The following SLC35D4 variants were observed in gnomAD, a reference collection of about 807,000 sequenced individuals.
SLC35D4 encodes the protein solute carrier family 35 member D4.
chr18:23,380,214 G>A, the SLC35D4 span, among the ~76,000 whole-genome samples: 42 of 152,284 alleles, frequency 2.8e-4, no homozygotes, highest in East Asian at 5.8e-4. Flanking sequence ...TGTTCTAAGG[G>A]CTCTGCATGT....
the SLC35D4 span, chr18:23,309,705 T>C: frequency 6.2e-7 from 1 of 1,614,208 alleles, no homozygotes; most frequent in Admixed American, 1.7e-5. Flanking sequence ...CTGGTCAGGA[T>C]CGCATCAAAC....
At chr18:23,253,457 T>C in the SLC35D4 span, among the ~76,000 whole-genome samples, 1 of 152,182 alleles carries the variant, frequency 6.6e-6, no homozygotes, top group Admixed American at 6.5e-5. Flanking sequence ...CACTCCAGCC[T>C]GGAAAACAGA....
the SLC35D4 span, chr18:23,297,535 TA>T: frequency 7.5e-6 from 1 of 134,212 alleles, no homozygotes; most frequent in Non-Finnish European, 1.6e-5. Flanking sequence ...TAATAATAAA[TA>T]AAAATTTAAA....
chr18:23,352,578 A>C, the SLC35D4 span, among the ~76,000 whole-genome samples: 4 of 152,300 alleles, frequency 2.6e-5, no homozygotes, highest in Non-Finnish European at 5.9e-5. Flanking sequence ...GGAGGACAAC[A>C]CCTCTTGTTC....
chr18:23,287,174 T>C, the SLC35D4 span, among the ~76,000 whole-genome samples: 290 of 152,076 alleles, frequency 1.9e-3, 11 homozygotes, highest in South Asian at 0.051. Flanking sequence ...CAGACAAGCC[T>C]TACTAGTTCA....
chr18:23,356,642 T>A, the SLC35D4 span: 4 of 1,614,100 alleles, frequency 2.5e-6, no homozygotes, highest in Non-Finnish European at 3.4e-6. The surrounding 1 kb of genome is among the most constrained non-coding windows in gnomAD (Gnocchi z 4.1). Context: ...GAATGGGAAG[T>A]CCAGGACGCT....
the SLC35D4 span, among the ~76,000 whole-genome samples, chr18:23,284,953 C>A: frequency 3.3e-5 from 5 of 152,218 alleles, no homozygotes; most frequent in Non-Finnish European, 7.3e-5. Context: ...CAGCCAAGGA[C>A]CTTCAGGAAG....
At chr18:23,325,898 C>A in the SLC35D4 span, among the ~76,000 whole-genome samples, 1 of 152,172 alleles carries the variant, frequency 6.6e-6, no homozygotes, top group East Asian at 1.9e-4. Flanking sequence ...GAAAACAATG[C>A]CCATCAGTGG....
the SLC35D4 span, among the ~76,000 whole-genome samples, chr18:23,244,383 T>A: frequency 1.3e-5 from 2 of 152,236 alleles, no homozygotes; most frequent in African/African-American, 4.8e-5. Context: ...GAGGGAGAGT[T>A]GATCCAGGAT....
At chr18:23,353,468 T>C in the SLC35D4 span, among the ~76,000 whole-genome samples, 2 of 152,150 alleles carry the variant, frequency 1.3e-5, no homozygotes, top group Non-Finnish European at 2.9e-5. Flanking sequence ...TCAGGTTGAA[T>C]TGGAAGCAGA....
At chr18:23,423,076 G>GC in the SLC35D4 span, among the ~76,000 whole-genome samples, 1 of 152,032 alleles carries the variant, frequency 6.6e-6, no homozygotes, top group East Asian at 1.9e-4. Flanking sequence ...ACTTGCACCC[G>GC]CCCCTCTCCA....
At chr18:23,319,061 C>T in the SLC35D4 span, among the ~76,000 whole-genome samples, 1 of 151,594 alleles carries the variant, frequency 6.6e-6, no homozygotes, top group South Asian at 2.1e-4. Context: ...CCAGGCTGGT[C>T]TCGACCTCCT....
chr18:23,298,750 G>A, the SLC35D4 span, among the ~76,000 whole-genome samples: 1 of 152,182 alleles, frequency 6.6e-6, no homozygotes, highest in Non-Finnish European at 1.5e-5. Context: ...TTAGTCTTCT[G>A]GGGCCTGTGC....
At chr18:23,411,531 A>AAGAAAGAAAGAAAGAAAGAAAGAC in the SLC35D4 span, among the ~76,000 whole-genome samples, 4 of 151,612 alleles carry the variant, frequency 2.6e-5, no homozygotes, top group East Asian at 7.8e-4. Context: ...GAAAGAAAGA[A>AAGAAAGAAAGAAAGAAAGAAAGAC]AGAAAGAAAG....
At chr18:23,301,522 G>T in the SLC35D4 span, among the ~76,000 whole-genome samples, 588 of 152,304 alleles carry the variant, frequency 3.9e-3, 6 homozygotes, top group African/African-American at 0.013. Flanking sequence ...CTCAGTGTTG[G>T]TGAGGTTTGT....
chr18:23,273,115 CCA>C, the SLC35D4 span, among the ~76,000 whole-genome samples: 5 of 152,122 alleles, frequency 3.3e-5, no homozygotes, highest in African/African-American at 1.2e-4. Context: ...AAGAAAGAAG[CCA>C]CGTTTTTGTT....
chr18:23,309,814 TC>T, the SLC35D4 span: 30 of 1,471,932 alleles, frequency 2.0e-5, no homozygotes, highest in Non-Finnish European at 2.8e-5. Context: ...GTCATTTTTT[TC>T]ACAAGCTTAG....
At chr18:23,282,430 T>A in the SLC35D4 span, among the ~76,000 whole-genome samples, 1 of 152,220 alleles carries the variant, frequency 6.6e-6, no homozygotes, top group Non-Finnish European at 1.5e-5. Context: ...GAGCAAAGAT[T>A]CGCTCGGCTC....
At chr18:23,408,169 AC>A in the SLC35D4 span, among the ~76,000 whole-genome samples, 1 of 151,842 alleles carries the variant, frequency 6.6e-6, no homozygotes, top group Non-Finnish European at 1.5e-5. Context: ...ACACACACAC[AC>A]ACACACACAC....
Sources: allele counts gnomAD v4.1 joint callset (sites outside exome capture counted in the v4.1 genomes callset), GRCh38; gene constraint gnomAD v4.1.1; non-coding constraint Gnocchi (gnomAD v3.1); transcripts MANE v1.5; gene names NCBI Gene and HGNC (gene_info 2026-07-23, HGNC 2026-07-21).